Variants in CATSPER2 observed in about 807,000 individuals in gnomAD.
CATSPER2 encodes cation channel sperm associated 2.
A neutral mutation model predicts 68.8 loss-of-function variants in CATSPER2; 56 were observed. The ratio of observed to expected loss-of-function variants is 0.81; its 90% CI spans 0.66 to 1.02. CATSPER2 has a LOEUF of 1.02. Among genes scored for constraint, CATSPER2 ranks in the 50% least tolerant of loss-of-function variants. The pLI is 0.00. For synonymous variants in CATSPER2, 198 were observed against 229.9 expected (o/e 0.86, Z 1.26); for missense variants, 582 against 642.0 (o/e 0.91, Z 1.01).
At chr15:43,646,065 A>C (rs769551791) in intron 4 of CATSPER2, among the ~76,000 whole-genome samples, 3 of 151,898 alleles carry the variant, frequency 2.0e-5, no homozygotes, top group Non-Finnish European at 2.9e-5. Flanking sequence ...TTCTAAATAT[A>C]CTTGTAAAAA....
chr15:43,640,631 G>A (rs2086056495), intron 4 of CATSPER2, 135 bp from the exon 5 acceptor site: 7 of 1,181,234 alleles, frequency 5.9e-6, no homozygotes, highest in Non-Finnish European at 8.5e-6. Flanking sequence ...AGAGTTAAGA[G>A]TTTCTCTTCT....
In CATSPER2 at chr15:43,648,703, G is replaced by T; in HGVS notation, c.-77C>A. The stretch of plus-strand genomic sequence containing the variant: ...CTCCAGCTCAGGTGCCCCGAGCCTG[G>T]CTACCCCTATGCAAGACGAGCTCAG... On this transcript the variant is annotated 5_prime_UTR_variant, in exon 1 of 13. Coordinates refer to ENST00000396879, the MANE Select transcript of CATSPER2 (RefSeq NM_172095.4). 8.8e-6 allele frequency: 13 copies of T among 1,473,496 alleles called. 1 individual carries two copies. The highest frequency in any genetic ancestry group is 1.2e-5 in the Non-Finnish European group (13 of 1,116,558). 91.3% of individuals were successfully genotyped at this position (1,473,496 alleles called of 1,614,324 possible). A position where few individuals can be genotyped will look rare whatever the true frequency, so the allele number is the denominator to read the frequency against.
intron 7 of CATSPER2, among the ~76,000 whole-genome samples, chr15:43,638,286 C>CTTTTTTTTTT (rs71460446): frequency 4.9e-5 from 4 of 81,836 alleles, no homozygotes; most frequent in Admixed American, 1.4e-4. Context: ...TTCTTTCTTT[C>CTTTTTTTTTT]TTTTTTTTTT....
chr15:43,647,408 T>G lies in CATSPER2; in HGVS notation c.205A>C (p.Ile69Leu). The G allele has an allele frequency of 6.2e-7, 1 of 1,613,596 alleles. No homozygotes were observed. Among genetic ancestry groups the G allele is most frequent in the Non-Finnish European group, 8.5e-7 (1 of 1,179,664 alleles). The change falls in exon 3 of 13, where the codon ATA becomes CTA. Residue 69 changes from isoleucine (I) to leucine (L), a missense_variant. Ile to Leu is a conservative substitution (Grantham distance 5). Transcript: ENST00000396879. ...GDQHQLVRFS[I>L]KPQRIEQISH... ...ATCTGTTCTATACGCTGAGGCTTTA[T>G]AGAGAAACGCACTAGCTGGTGTTGA...
At chr15:43,646,322 G>A (rs1435533962) in intron 4 of CATSPER2, among the ~76,000 whole-genome samples, 4 of 151,066 alleles carry the variant, frequency 2.6e-5, no homozygotes, top group Non-Finnish European at 5.9e-5. Context: ...GTGCAGTGGC[G>A]TGATTTCAGC....
Position 43,628,672 on chromosome 15 carries a change from T to C in CATSPER2, c.*2029A>G, listed in dbSNP as rs1193842377. The C allele has an allele frequency of 7.6e-6, 1 of 130,914 alleles. No homozygotes were observed. The highest frequency in any genetic ancestry group is 1.6e-5 in the Non-Finnish European group (1 of 63,808). The allele number at this position is 130,914 out of a possible 1,614,324, so 8.1% of individuals were successfully genotyped here. On this transcript the variant is annotated 3_prime_UTR_variant, in exon 13 of 13. Coordinates refer to ENST00000396879, the MANE Select transcript of CATSPER2 (RefSeq NM_172095.4). ...GCCCTTACTTAAGGTTGGGTGTTACTGACCTTACCTCCAGTTCAGGAGAAA... is the reference window on the plus strand; with the variant it reads ...GCCCTTACTTAAGGTTGGGTGTTACCGACCTTACCTCCAGTTCAGGAGAAA...
chr15:43,630,921 G>A (rs1567124215), intron 12 of CATSPER2, among the ~76,000 whole-genome samples, 189 bp from the exon 13 acceptor site: 1 of 151,934 alleles, frequency 6.6e-6, no homozygotes, highest in Admixed American at 6.6e-5. Context: ...AAACTACCTT[G>A]CTGCATTTTC....
intron 7 of CATSPER2, among the ~76,000 whole-genome samples, chr15:43,638,531 C>T (rs535224544): frequency 6.6e-6 from 1 of 151,812 alleles, no homozygotes; most frequent in East Asian, 1.9e-4. Context: ...TCATGATCCA[C>T]CCGCCTTGGC....
At chr15:43,647,244 T>C in intron 3 of CATSPER2, 50 bp downstream of exon 3, 4 of 1,578,800 alleles carry the variant, frequency 2.5e-6, no homozygotes, top group Non-Finnish European at 3.5e-6. Context: ...AATAAGTCAT[T>C]AGGCAGATGA....
In CATSPER2 at chr15:43,631,481, G is replaced by C. The variant is rs189823356; in HGVS notation, c.1561+718C>G. 8 of 285,000 alleles carry C rather than the reference G, an allele frequency of 2.8e-5. No individual in the cohort carries two copies. In the Admixed American group the frequency reaches 3.3e-4, roughly 12 times the overall value. The allele number at this position is 285,000 out of a possible 1,614,324, so 17.7% of individuals were successfully genotyped here. The stretch of plus-strand genomic sequence containing the variant: ...CCTGACCTTGTGATCTGCCCGCCTC[G>C]GCCTCCCAAAGTGCTGGGATTACAG... On this transcript the variant is annotated intron_variant, in intron 12 of 12. Transcript: ENST00000396879.
chr15:43,631,956 T>C (rs1327814801), intron 12 of CATSPER2, among the ~76,000 whole-genome samples: 1 of 151,966 alleles, frequency 6.6e-6, no homozygotes, highest in East Asian at 1.9e-4. Flanking sequence ...TCATACCTCA[T>C]AGGATTTGGG....
At position 43,639,708 on chromosome 15, in the gene CATSPER2, G is replaced by C. The variant is rs11638719; in HGVS notation, c.652C>G (p.Leu218Val). 6,521 of 1,613,232 alleles carry C rather than the reference G, an allele frequency of 4.0e-3. 139 individuals are homozygous for C. Among genetic ancestry groups the C allele is most frequent in the Non-Finnish European group, 3.1e-3 (3,668 of 1,179,630 alleles). The change falls in exon 6 of 13, where the codon CTC (leucine) becomes GTC (valine). Residue 218 changes from leucine to valine, a missense_variant. Coordinates refer to ENST00000396879, the MANE Select transcript of CATSPER2 (RefSeq NM_172095.4). ...LLRICRVLRS[L>V]KLLAQFRQIQ... ...TGACGGAATTGTGCAAGGAGTTTGA[G>C]AGACCTCAGCACCCGGCAGATCCTC...
Position 43,648,041 on chromosome 15 carries a change from T to C in CATSPER2, c.21A>G (p.Glu7=), listed in dbSNP as rs1270515888. Residue 7 remains glutamate (E), a synonymous_variant, in exon 2 of 13, where the codon GAA becomes GAG. Transcript: ENST00000396879. ...CAGCTCGGGGAAGCTGCATCTGCTC[T>C]TCTTGTTGGTAAGCGGCCATGTCTG... MAAYQQ[E]EQMQLPRADA... is the part of the protein sequence containing the mutation. The C allele has an allele frequency of 6.2e-7, 1 of 1,613,712 alleles. No homozygotes were observed. Among genetic ancestry groups the C allele is most frequent in the South Asian group, 1.1e-5 (1 of 91,032 alleles).
In CATSPER2 at chr15:43,631,596, A is replaced by C. The variant is rs139658983; in HGVS notation, c.1561+603T>G. ...GTCATAGAGTAATGAAATTTAGGAA[A>C]AATAACTTTGAATAGATAGTTCCCA... On this transcript the variant is annotated intron_variant, in intron 12 of 12. Transcript: ENST00000396879. 475 of 304,520 alleles carry C rather than the reference A, an allele frequency of 1.6e-3. 6 individuals carry two copies. Among genetic ancestry groups the C allele is most frequent in the African/African-American group, 9.7e-3 (433 of 44,548 alleles). 18.9% of individuals were successfully genotyped at this position (304,520 alleles called of 1,614,324 possible).
chr15:43,645,640 T>C, intron 4 of CATSPER2, among the ~76,000 whole-genome samples: 1 of 151,470 alleles, frequency 6.6e-6, no homozygotes, highest in Non-Finnish European at 1.5e-5. Context: ...AAAATCAACA[T>C]AATTAGCCTG....
In CATSPER2 at chr15:43,636,087, C is replaced by G. The variant is rs1340744245; in HGVS notation, c.975G>C (p.Leu325Phe). Residue 325 changes from leucine to phenylalanine, a missense_variant, in exon 8 of 13, where the codon TTG becomes TTC. By Grantham distance (22) the Leu-to-Phe change is conservative. Coordinates refer to ENST00000396879, the MANE Select transcript of CATSPER2 (RefSeq NM_172095.4). Reference protein sequence around the residue: ...IFSSIYFILWLLLGSIIFRSI... With the variant: ...IFSSIYFILWFLLGSIIFRSI... ...TTCGAAAGATAATGGAGCCAAGCAA[C>G]AACCAAAGGATGAAATAGATGCTGC... 6.3e-7 allele frequency: 1 copy of G among 1,595,952 alleles called. No individual in the cohort carries two copies. Among genetic ancestry groups the G allele is most frequent in the South Asian group, 1.1e-5 (1 of 90,006 alleles).
chr15:43,645,743 T>A (rs962042322), intron 4 of CATSPER2, among the ~76,000 whole-genome samples: 3 of 151,818 alleles, frequency 2.0e-5, no homozygotes, highest in Non-Finnish European at 2.9e-5. Context: ...CAACAAGCCA[T>A]GATCACACCA....
chr15:43,642,880 A>G (rs1270326333), intron 4 of CATSPER2: 2 of 151,298 alleles, frequency 1.3e-5, no homozygotes, highest in East Asian at 3.9e-4. Flanking sequence ...GAAGATGAAA[A>G]ATAACTTTTT....
chr15:43,648,151 T>C, intron 1 of CATSPER2, 88 bp from the exon 2 acceptor site: 1 of 1,477,482 alleles, frequency 6.8e-7, no homozygotes, highest in Non-Finnish European at 9.5e-7. Context: ...CTCCCCACCC[T>C]CTTTACCCTT....
Sources: gnomAD v4.1 joint callset for allele counts (sites outside exome capture counted in the v4.1 genomes callset) on GRCh38, gnomAD v4.1.1 for gene constraint, MANE v1.5 for transcripts, NCBI Gene and HGNC (gene_info 2026-07-23, HGNC 2026-07-21) for gene names.